Variants in HRH1 observed in about 807,000 individuals in gnomAD.
HRH1 encodes the protein histamine receptor H1, also known as histamine H1 receptor.
Under a neutral mutation model 10.3 loss-of-function variants are expected in HRH1, and 6 were observed. The ratio of observed to expected loss-of-function variants is 0.58; its 90% CI spans 0.32 to 1.15. The LOEUF is 1.15. Ranked by LOEUF, HRH1 falls within the 50% of genes most tolerant of loss-of-function variation. The pLI is 0.05. For missense variants in HRH1, 514 were observed against 615.3 expected (o/e 0.84, Z 1.74); for synonymous variants, 242 against 236.7 (o/e 1.02, Z -0.21).
chr3:11,141,046 T>C (rs1194750060), intron 1 of HRH1, among the ~76,000 whole-genome samples: 1 of 152,114 alleles, frequency 6.6e-6, no homozygotes. Context: ...GAGGCCCAAG[T>C]AGAAGCCAGA....
intron 1 of HRH1, among the ~76,000 whole-genome samples, chr3:11,156,352 GTTTGGCCAA>G (rs1261530221): frequency 6.6e-6 from 1 of 152,200 alleles, no homozygotes; most frequent in South Asian, 2.1e-4. Flanking sequence ...CCCCAGAGTG[GTTTGGCCAA>G]TGCTGGGCTG....
intron 1 of HRH1, among the ~76,000 whole-genome samples, chr3:11,197,704 A>G (rs1937717688): frequency 6.6e-6 from 1 of 152,218 alleles, no homozygotes; most frequent in South Asian, 2.1e-4. Context: ...TTTAAAGACC[A>G]TCTTTTAAAA....
chr3:11,192,570 A>G (rs1188198806), intron 1 of HRH1, among the ~76,000 whole-genome samples: 1 of 152,076 alleles, frequency 6.6e-6, no homozygotes, highest in Non-Finnish European at 1.5e-5. Context: ...ATGCATCTCT[A>G]TTAGGTCACA....
intron 1 of HRH1, among the ~76,000 whole-genome samples, chr3:11,229,055 C>A (rs989238732): frequency 6.6e-6 from 1 of 152,096 alleles, no homozygotes; most frequent in Admixed American, 6.6e-5. Flanking sequence ...TTAAGATGGA[C>A]GTCGTAGAAT....
Position 11,224,699 on chromosome 3 carries a change from CAAAAAAAA to C in HRH1, c.-35-34294_-35-34287del, listed in dbSNP as rs60472027. ...TGGGCGACTGAGCGAGACTCCATCTCAAAAAAAAAAAAAAAAAGAAATTGGATGTTGGA... is the reference window on the plus strand; with the variant it reads ...TGGGCGACTGAGCGAGACTCCATCTCAAAAAAAAAGAAATTGGATGTTGGA... On this transcript the variant is annotated intron_variant, in intron 1 of 1. Transcript: ENST00000431010. 4.0e-5 allele frequency among the ~76,000 whole-genome samples: 4 copies of C among 100,584 alleles called. No homozygotes were observed. In the East Asian group the frequency reaches 7.5e-4, roughly 19 times the overall value. The allele number at this position is 100,584 out of a possible 152,430, so 66.0% of individuals were successfully genotyped here. A position where few individuals can be genotyped will look rare whatever the true frequency, so the allele number is the denominator to read the frequency against.
intron 1 of HRH1, among the ~76,000 whole-genome samples, chr3:11,159,040 G>T (rs1936874674): frequency 6.6e-6 from 1 of 152,210 alleles, no homozygotes; most frequent in African/African-American, 2.4e-5. Context: ...CTGAGGTCGG[G>T]AGTTTGAGAC....
intron 1 of HRH1, among the ~76,000 whole-genome samples, chr3:11,156,499 G>A (rs1312974092): frequency 6.6e-6 from 1 of 152,128 alleles, no homozygotes; most frequent in Non-Finnish European, 1.5e-5. Context: ...GGAGTGCCTG[G>A]CTTTTCCTTA....
chr3:11,219,595 C>T (rs933058796), intron 1 of HRH1, among the ~76,000 whole-genome samples: 3 of 151,508 alleles, frequency 2.0e-5, no homozygotes, highest in Admixed American at 1.3e-4. Context: ...TGCCTGCAGT[C>T]CTAGCTACTT....
intron 1 of HRH1, among the ~76,000 whole-genome samples, chr3:11,193,587 C>CT (rs1418606092): frequency 6.6e-6 from 1 of 151,556 alleles, no homozygotes; most frequent in African/African-American, 2.4e-5. Context: ...GGAAGGGTGT[C>CT]TTAGTCCATT....
intron 1 of HRH1, among the ~76,000 whole-genome samples, chr3:11,209,517 T>C (rs1004863891): frequency 8.5e-5 from 13 of 152,244 alleles, no homozygotes; most frequent in Admixed American, 7.2e-4. Context: ...GTATCGGTGG[T>C]TCACAGTGTT....
intron 1 of HRH1, among the ~76,000 whole-genome samples, chr3:11,239,221 G>T (rs1258355122): frequency 6.6e-6 from 1 of 152,140 alleles, no homozygotes; most frequent in Non-Finnish European, 1.5e-5. Context: ...CATGTGAAGT[G>T]GTATCTCACT....
intron 1 of HRH1, among the ~76,000 whole-genome samples, chr3:11,254,538 C>T (rs926977618): frequency 5.9e-5 from 9 of 152,194 alleles, no homozygotes; most frequent in African/African-American, 1.9e-4. Context: ...GTTACCTGGT[C>T]GCCACAGTAT....
At chr3:11,165,885 A>G (rs1937021253) in intron 1 of HRH1, among the ~76,000 whole-genome samples, 1 of 152,218 alleles carries the variant, frequency 6.6e-6, no homozygotes, top group Non-Finnish European at 1.5e-5. Context: ...TTTTCTTGGC[A>G]TCACCTAACA....
intron 1 of HRH1, among the ~76,000 whole-genome samples, chr3:11,238,392 T>C (rs1939243764): frequency 6.6e-6 from 1 of 152,220 alleles, no homozygotes; most frequent in South Asian, 2.1e-4. Flanking sequence ...GCTAAGCAAC[T>C]AGTTTGTTTT....
chr3:11,150,225 T>C (rs1482898268), upstream of HRH1, among the ~76,000 whole-genome samples: 1 of 152,278 alleles, frequency 6.6e-6, no homozygotes, highest in African/African-American at 2.4e-5. Context: ...ACCACAGCTC[T>C]GGAGCTGAAA....
rs1042705714 is a variant in HRH1, at chr3:11,261,322, G to A, written c.*821G>A. 7 of 167,066 alleles carry A rather than the reference G, an allele frequency of 4.2e-5. No individual in the cohort carries two copies. Among genetic ancestry groups the A allele is most frequent in the Non-Finnish European group, 1.0e-4 (7 of 68,124 alleles). The allele number at this position is 167,066 out of a possible 1,614,324, so 10.3% of individuals were successfully genotyped here. A position where few individuals can be genotyped will look rare whatever the true frequency, so the allele number is the denominator to read the frequency against. On this transcript the variant is annotated 3_prime_UTR_variant, in exon 2 of 2. Coordinates refer to ENST00000431010, the MANE Select transcript of HRH1 (RefSeq NM_001098212.2). ...AAAATTAAAAGAAGGAATGGGGGCA[G>A]AATGCCATATTTTTGAGGGCTGTAC...
At chr3:11,252,036 G>A (rs548390290) in intron 1 of HRH1, among the ~76,000 whole-genome samples, 1 of 152,328 alleles carries the variant, frequency 6.6e-6, no homozygotes, top group African/African-American at 2.4e-5. Context: ...TGGCTGCTTA[G>A]GGAGGGTAAA....
intron 1 of HRH1, among the ~76,000 whole-genome samples, chr3:11,223,938 G>T (rs1262395563): frequency 2.0e-5 from 3 of 152,138 alleles, no homozygotes; most frequent in African/African-American, 7.2e-5. Flanking sequence ...TCTCCAGGAT[G>T]ACTCTTCCGC....
At chr3:11,193,765 G>T (rs748803434) in intron 1 of HRH1, among the ~76,000 whole-genome samples, 1 of 151,996 alleles carries the variant, frequency 6.6e-6, no homozygotes, top group African/African-American at 2.4e-5. Context: ...CTGTGTCTTC[G>T]CATGGTGGGA....
Sources: gnomAD v4.1 joint callset for allele counts (sites outside exome capture counted in the v4.1 genomes callset) on GRCh38, gnomAD v4.1.1 for gene constraint, MANE v1.5 for transcripts, NCBI Gene and HGNC (gene_info 2026-07-23, HGNC 2026-07-21) for gene names.